Variants in TG observed in about 807,000 individuals in gnomAD.
TG encodes thyroglobulin.
In TG, 270 loss-of-function variants were observed where a neutral mutation model predicts 324.7. The ratio of observed to expected loss-of-function variants is 0.83; its 90% CI spans 0.75 to 0.92. The LOEUF (loss-of-function observed/expected upper bound fraction) is 0.92. TG is among the 40% of genes least tolerant of loss of function. The pLI is 0.00. For synonymous variants in TG, 1,401 were observed against 1,327.0 expected (o/e 1.06, Z -1.21); for missense variants, 3,591 against 3,456.4 (o/e 1.04, Z -0.98).
chr8:133,127,347 G>A (rs370239134), intron 45 of TG, among the ~76,000 whole-genome samples: 14 of 152,270 alleles, frequency 9.2e-5, no homozygotes, highest in South Asian at 6.2e-4. Context: ...CTTTTGGCTC[G>A]CTGGGGTGCA....
intron 34 of TG, among the ~76,000 whole-genome samples, chr8:132,973,535 A>G (rs886067870): frequency 2.6e-5 from 4 of 152,042 alleles, no homozygotes; most frequent in African/African-American, 4.8e-5. Flanking sequence ...GTTTGTTCCA[A>G]CTCTGCCATC....
At chr8:133,024,935 A>G (rs752080554) in intron 40 of TG, among the ~76,000 whole-genome samples, 2 of 151,830 alleles carry the variant, frequency 1.3e-5, no homozygotes, top group Non-Finnish European at 2.9e-5. Flanking sequence ...AACCAGAAAT[A>G]CCATTTGACC....
chr8:133,038,393 C>T, intron 41 of TG: 1 of 713,202 alleles, frequency 1.4e-6, no homozygotes, highest in Non-Finnish European at 2.5e-6. Context: ...TTTGAGTCTC[C>T]ATGTGGCTTC....
chr8:133,087,262 A>G (rs1846738641), intron 41 of TG, among the ~76,000 whole-genome samples: 1 of 152,236 alleles, frequency 6.6e-6, no homozygotes, highest in Non-Finnish European at 1.5e-5. Context: ...TAAAAATTGC[A>G]GAGGGCTTTC....
chr8:132,923,304 A>G lies in TG; in HGVS notation c.4529-34A>G, dbSNP rs200188445. ...AGGAGTCAGGGGATTCCAGAGGCCC[A>G]TTATTGACGGCTATGTCAATCTATT... On this transcript the variant is annotated intron_variant, in intron 21 of 47. Transcript: ENST00000220616. The G allele has an allele frequency of 5.5e-5, 88 of 1,612,878 alleles. No homozygotes were observed. The Middle Eastern group carries it at 1.0e-3, about 18-fold the overall frequency.
At chr8:133,021,262 C>G (rs1835536092) in intron 39 of TG, among the ~76,000 whole-genome samples, 1 of 152,208 alleles carries the variant, frequency 6.6e-6, no homozygotes, top group Non-Finnish European at 1.5e-5. Flanking sequence ...ATACTAAACT[C>G]TAGCTCTGTG....
At position 133,002,241 on chromosome 8, in the gene TG, G is replaced by A. The variant is rs187286753; in HGVS notation, c.6263-9660G>A. On this transcript the variant is annotated intron_variant, in intron 35 of 47. Transcript: ENST00000220616. Reference sequence around the variant, plus strand: ...CACCTGTCATTACCTGCCAGCAAGCGGCAGACCTCTGCCTGTGGGGTGCAT... The same window carrying A: ...CACCTGTCATTACCTGCCAGCAAGCAGCAGACCTCTGCCTGTGGGGTGCAT... 230 of 985,476 alleles carry A rather than the reference G, an allele frequency of 2.3e-4. 1 individual carries two copies. In the East Asian group the frequency reaches 4.9e-3, roughly 21 times the overall value. The allele number at this position is 985,476 out of a possible 1,614,324, so 61.0% of individuals were successfully genotyped here. A position where few individuals can be genotyped will look rare whatever the true frequency, so the allele number is the denominator to read the frequency against.
At chr8:133,050,805 A>C (rs1587889088) in intron 41 of TG, 1 of 1,553,524 alleles carries the variant, frequency 6.4e-7, no homozygotes, top group East Asian at 2.2e-5. Flanking sequence ...AGTTTTGGAG[A>C]GCTGACTCAC....
intron 35 of TG, chr8:133,003,007 AC>A: frequency 9.7e-7 from 1 of 1,028,258 alleles, no homozygotes; most frequent in Non-Finnish European, 1.2e-6. Context: ...CAAACGAACA[AC>A]TCCATGTTTT....
At chr8:132,882,672 C>T in intron 7 of TG, 60 bp downstream of exon 7, 1 of 1,613,834 alleles carries the variant, frequency 6.2e-7, no homozygotes, top group Non-Finnish European at 8.5e-7. Context: ...TCTTGGGTTT[C>T]AAAGTTGCTA....
At chr8:132,962,201 T>C (rs943141151) in intron 28 of TG, among the ~76,000 whole-genome samples, 4 of 152,148 alleles carry the variant, frequency 2.6e-5, no homozygotes, top group Non-Finnish European at 5.9e-5. Context: ...TTTACCATCA[T>C]TTTCATTTTA....
intron 36 of TG, 95 bp from the exon 37 acceptor site, chr8:133,013,504 TG>T: frequency 7.0e-7 from 1 of 1,437,482 alleles, no homozygotes; most frequent in Non-Finnish European, 9.7e-7. Flanking sequence ...GATGGAAGGG[TG>T]GATGAGTGGA....
intron 26 of TG, among the ~76,000 whole-genome samples, chr8:132,941,926 T>A (rs1332060414): frequency 6.6e-6 from 1 of 152,212 alleles, no homozygotes; most frequent in Non-Finnish European, 1.5e-5. Flanking sequence ...TTACTGTCAC[T>A]TGTGAAGCCA....
intron 41 of TG, among the ~76,000 whole-genome samples, chr8:133,054,610 C>G (rs760139565): frequency 7.9e-5 from 12 of 152,172 alleles, no homozygotes; most frequent in Non-Finnish European, 1.5e-4. Flanking sequence ...AACTCAAGAC[C>G]AGTGTTAGCC....
At chr8:132,878,444 G>A (rs1587204928) in intron 5 of TG, among the ~76,000 whole-genome samples, 2 of 151,878 alleles carry the variant, frequency 1.3e-5, no homozygotes, top group South Asian at 4.2e-4. Context: ...GTGAAACCTC[G>A]TCTCTACTAA....
chr8:133,113,780 G>A (rs1588127340), intron 44 of TG, 177 bp downstream of exon 44: 1 of 727,226 alleles, frequency 1.4e-6, no homozygotes. Flanking sequence ...AAGCCCTGGA[G>A]GACATGTAGG....
chr8:133,120,373 C>CT (rs1404281766), intron 45 of TG, among the ~76,000 whole-genome samples: 4 of 152,154 alleles, frequency 2.6e-5, no homozygotes, highest in Non-Finnish European at 5.9e-5. Flanking sequence ...TGCTTGGGCC[C>CT]TACCTGGATC....
rs147030652 is a variant in TG at position 132,898,884 on chromosome 8, G to T, written c.3304G>T (p.Asp1102Tyr). ...ARSQENPSPK[D>Y]LFVPACLETG... ...ATCCCAAGAAAACCCATCTCCAAAA[G>T]ACCTGTTCGTCCCAGCCTGCCTAGA... Residue 1102 changes from aspartate (D) to tyrosine (Y), a missense_variant, in exon 14 of 48, where the codon GAC becomes TAC. Physicochemically the swap from Asp to Tyr is radical, Grantham distance 160. Transcript: ENST00000220616. The T allele has an allele frequency of 1.2e-5, 20 of 1,614,162 alleles. No individual in the cohort carries two copies. The South Asian group carries it at 2.1e-4, about 17-fold the overall frequency.
At position 133,121,245 on chromosome 8, in the gene TG, C is replaced by T. The variant is rs145838660; in HGVS notation, c.7862+4529C>T. ...CTCTATGGGGCTCAGTTTTGCCACC[C>T]GTGAAGTGGGAGTAGGGAGGCCGGA... On this transcript the variant is annotated intron_variant, in intron 45 of 47. Transcript: ENST00000220616. Among the ~76,000 whole-genome samples the T allele has an allele frequency of 6.0e-4, 92 of 152,182 alleles. 1 individual carries two copies. The East Asian group carries it at 0.015, about 26-fold the overall frequency.
Sources: allele counts gnomAD v4.1 joint callset (sites outside exome capture counted in the v4.1 genomes callset), GRCh38; gene constraint gnomAD v4.1.1; transcripts MANE v1.5; gene names NCBI Gene and HGNC (gene_info 2026-07-23, HGNC 2026-07-21).